Variants in ANO1 observed in about 807,000 individuals in gnomAD.
The protein encoded by ANO1 is anoctamin 1.
A neutral mutation model predicts 124.0 loss-of-function variants in ANO1; 59 were observed. The ratio of observed to expected loss-of-function variants is 0.48; its 90% confidence interval spans 0.39 to 0.59. The LOEUF (loss-of-function observed/expected upper bound fraction) is 0.59. ANO1 is among the 20% of genes least tolerant of loss of function. ANO1 has a pLI of 0.00. For synonymous variants in ANO1, 529 were observed against 532.0 expected (o/e 0.99, Z 0.08); for missense variants, 1,059 against 1,328.0 (o/e 0.80, Z 3.15).
chr11:70,059,950 C>CTTTTTTTTT (rs36021561), intron 1 of ANO1, among the ~76,000 whole-genome samples: 2 of 75,540 alleles, frequency 2.6e-5, no homozygotes, highest in Non-Finnish European at 4.7e-5. Context: ...AGGCGTTGGC[C>CTTTTTTTTT]TTTTTTTTTT....
Position 70,186,972 on chromosome 11 carries a change from C to T in ANO1, c.2695-766C>T, listed in dbSNP as rs1181175495. On this transcript the variant is annotated intron_variant, in intron 25 of 25. Transcript: ENST00000355303. ...GCCCAGCCTTATCCCAAGGGAGCCC[C>T]GGAGCAGGCATGGCACCCCAGACCT... Among the ~76,000 whole-genome samples the T allele has an allele frequency of 5.3e-5, 8 of 152,188 alleles. No homozygotes were observed. The East Asian group carries it at 5.8e-4, about 11-fold the overall frequency.
Position 70,103,066 on chromosome 11 carries a change from A to C in ANO1, c.442A>C (p.Thr148Pro). The C allele has an allele frequency of 6.2e-7, 1 of 1,609,196 alleles. No homozygotes were observed. ...AGLELERDED[T>P]KIHGVGFVKI... ...CCCAGAACTTTCCTTCTCTCTCCAG[A>C]CTAAAATCCACGGAGTCGGGTTTGT... Residue 148 changes from threonine to proline, a missense_variant and splice_region_variant, in exon 3 of 26, where the codon ACT becomes CCT. Physicochemically the swap from Thr to Pro is conservative, Grantham distance 38. Coordinates refer to ENST00000355303, the MANE Select transcript of ANO1 (RefSeq NM_018043.7).
rs765202078 is a variant in ANO1, at chr11:70,182,490, TC to T, written c.2404-8del. The T allele has an allele frequency of 3.3e-6, 5 of 1,525,176 alleles. 2 individuals carry two copies. In the South Asian group the frequency reaches 6.5e-5, roughly 20 times the overall value. 94.5% of individuals were successfully genotyped at this position (1,525,176 alleles called of 1,614,324 possible). Reference sequence around the variant, plus strand: ...GCTGGGGGTCCCCCTCACTGCCATGTCCCCTGCACAGGCCTTCGTGATCTCC... The same window carrying T: ...GCTGGGGGTCCCCCTCACTGCCATGTCCCTGCACAGGCCTTCGTGATCTCC... On this transcript the variant is annotated splice_polypyrimidine_tract_variant and intron_variant, in intron 23 of 25. Coordinates refer to ENST00000355303, the MANE Select transcript of ANO1 (RefSeq NM_018043.7).
At chr11:70,061,196 T>C (rs1555007696) in intron 1 of ANO1, among the ~76,000 whole-genome samples, 1 of 151,990 alleles carries the variant, frequency 6.6e-6, no homozygotes, top group Non-Finnish European at 1.5e-5. Context: ...GGATACTCGG[T>C]ACCCCTTTGA....
At chr11:70,016,685 G>A (rs1172067422) in intron 1 of ANO1, among the ~76,000 whole-genome samples, 6 of 152,340 alleles carry the variant, frequency 3.9e-5, no homozygotes, top group South Asian at 2.1e-4. Flanking sequence ...GCACAATCCC[G>A]CCAGGGACCT....
chr11:70,028,368 C>T (rs1469969629), intron 1 of ANO1, among the ~76,000 whole-genome samples: 3 of 152,162 alleles, frequency 2.0e-5, no homozygotes, highest in African/African-American at 7.2e-5. Context: ...ATGTCAAGCC[C>T]AGAGGTCCAA....
intron 1 of ANO1, among the ~76,000 whole-genome samples, chr11:70,045,486 G>A (rs782451378): frequency 4.6e-5 from 7 of 152,028 alleles, no homozygotes; most frequent in South Asian, 2.1e-4. Context: ...TCTTCCACTC[G>A]GCCCTAAAAT....
chr11:70,168,493 C>A (rs1046979097), intron 21 of ANO1, among the ~76,000 whole-genome samples: 6 of 152,104 alleles, frequency 3.9e-5, no homozygotes, highest in Non-Finnish European at 8.8e-5. Context: ...TGTCTCCCCC[C>A]GGTAGGACGG....
intron 1 of ANO1, among the ~76,000 whole-genome samples, chr11:69,999,444 G>A (rs1856338279): frequency 6.6e-6 from 1 of 152,240 alleles, no homozygotes; most frequent in East Asian, 1.9e-4. Flanking sequence ...TTTGGGCGGG[G>A]ACAATGTCCA....
chr11:70,083,428 C>T (rs1236100325), intron 1 of ANO1, among the ~76,000 whole-genome samples: 1 of 151,932 alleles, frequency 6.6e-6, no homozygotes, highest in Non-Finnish European at 1.5e-5. Context: ...TTGATCAGGC[C>T]CCAGTGCTGT....
chr11:70,122,694 C>G (rs1385751134), intron 8 of ANO1, among the ~76,000 whole-genome samples: 1 of 151,356 alleles, frequency 6.6e-6, no homozygotes, highest in African/African-American at 2.4e-5. Flanking sequence ...CTCTCCCCTA[C>G]CTCTCTCTGT....
chr11:70,059,348 C>CA (rs1192273449), intron 1 of ANO1, among the ~76,000 whole-genome samples: 24,504 of 74,852 alleles, frequency 0.33, 5,031 homozygotes, highest in Non-Finnish European at 0.41. Flanking sequence ...GAGACACTGT[C>CA]AAAAAAAAAA....
At chr11:70,176,080 T>A (rs1226472310) in intron 22 of ANO1, among the ~76,000 whole-genome samples, 1 of 151,720 alleles carries the variant, frequency 6.6e-6, no homozygotes, top group East Asian at 1.9e-4. Flanking sequence ...ATCAGATACA[T>A]CTAAGGTATA....
intron 1 of ANO1, among the ~76,000 whole-genome samples, chr11:70,083,080 C>G (rs148458329): frequency 1.5e-3 from 226 of 152,294 alleles, no homozygotes; most frequent in African/African-American, 5.3e-3. Flanking sequence ...TTTTTAAAGT[C>G]TGGATTTGGC....
At chr11:70,146,176 G>T (rs1219305253) in intron 11 of ANO1, among the ~76,000 whole-genome samples, 5 of 152,132 alleles carry the variant, frequency 3.3e-5, no homozygotes, top group Non-Finnish European at 1.5e-5. Context: ...AGACTCTGGA[G>T]TCAAAGAGAA....
rs754851755 is a variant in ANO1 at position 70,149,811 on chromosome 11, G to T, written c.1341+19G>T. ...GGAAGAGGTCAGTGGGTTTGCCGCC[G>T]TGCATATCACGCCCTTCCCCCACGT... On this transcript the variant is annotated intron_variant, in intron 12 of 25. Transcript: ENST00000355303. The T allele has an allele frequency of 1.2e-6, 2 of 1,611,690 alleles. 1 individual carries two copies. The highest frequency in any genetic ancestry group is 2.7e-5 in the African/African-American group (2 of 74,840).
At chr11:70,069,827 T>G (rs1312815539) in intron 1 of ANO1, among the ~76,000 whole-genome samples, 1 of 152,204 alleles carries the variant, frequency 6.6e-6, no homozygotes, top group Non-Finnish European at 1.5e-5. Flanking sequence ...GAAGAGCTTC[T>G]GGATGGACAC....
At chr11:70,070,313 C>T (rs554895664) in intron 1 of ANO1, among the ~76,000 whole-genome samples, 1 of 152,280 alleles carries the variant, frequency 6.6e-6, no homozygotes, top group African/African-American at 2.4e-5. Flanking sequence ...AAGCGAACTC[C>T]TCTGCAGATA....
At position 70,088,041 on chromosome 11, in the gene ANO1, G is replaced by A. The variant is rs1375123954; in HGVS notation, c.398G>A (p.Gly133Asp). The change falls in exon 2 of 26, where the codon GGC (glycine) becomes GAC (aspartate). Residue 133 changes from glycine (G) to aspartate (D), a missense_variant. This residue lies in a region of ANO1 where 250 missense variants were observed against 233.1 expected (regional missense o/e 1.07). Transcript: ENST00000355303. ...CGCTTCCGCAGGGAGGAGTACGAGG[G>A]CAACCTCCTGGAGGCGGGCCTGGAG... ...DKRFRREEYE[G>D]NLLEAGLELE... The A allele has an allele frequency of 4.8e-6, 7 of 1,459,282 alleles. No individual in the cohort carries two copies. The East Asian group carries it at 1.0e-4, about 22-fold the overall frequency. 90.4% of individuals were successfully genotyped at this position (1,459,282 alleles called of 1,614,324 possible).
Sources: allele counts gnomAD v4.1 joint callset (sites outside exome capture counted in the v4.1 genomes callset), GRCh38; gene constraint gnomAD v4.1.1; regional missense constraint gnomAD v4.1.1; transcripts MANE v1.5; gene names NCBI Gene and HGNC (gene_info 2026-07-23, HGNC 2026-07-21).